The following MIPOL1 variants were observed in gnomAD, a reference collection of about 807,000 sequenced individuals.
The protein encoded by MIPOL1 is mirror-image polydactyly 1.
A neutral mutation model predicts 60.9 loss-of-function variants in MIPOL1; 57 were observed. That is an observed-to-expected ratio of 0.94 (90% CI 0.76 to 1.17). The LOEUF is 1.17. Ranked by LOEUF, MIPOL1 falls within the 50% of genes most tolerant of loss-of-function variation. The probability of loss-of-function intolerance (pLI) is 0.00; values close to 1 mark genes in which losing one functional copy is unlikely to be tolerated. For missense variants in MIPOL1, 551 were observed against 511.6 expected (o/e 1.08, Z -0.74); for synonymous variants, 179 against 168.8 (o/e 1.06, Z -0.47).
rs1452700099 is a variant in MIPOL1 at position 37,308,539 on chromosome 14, TAA to T, written c.828+23_828+24del. 2.0e-6 allele frequency: 3 copies of T among 1,502,074 alleles called. No individual in the cohort carries two copies. Among genetic ancestry groups the T allele is most frequent in the Middle Eastern group, 1.8e-4 (1 of 5,522 alleles). 93.0% of individuals were successfully genotyped at this position (1,502,074 alleles called of 1,614,324 possible). On this transcript the variant is annotated intron_variant, in intron 9 of 12. Transcript: ENST00000684589. ...TCTAAGGTAACTCTGCATATATCTG[TAA>T]AAGCATATACTTACCATTTTCCTCT... is the stretch of plus-strand genomic sequence containing the variant.
chr14:37,376,937 C>G (rs2153505084), intron 10 of MIPOL1, among the ~76,000 whole-genome samples: 1 of 152,216 alleles, frequency 6.6e-6, no homozygotes, highest in South Asian at 2.1e-4. Context: ...ATATTCTCAC[C>G]AGCAGTTGAT....
At chr14:37,514,513 T>C (rs1335075918) in intron 12 of MIPOL1, among the ~76,000 whole-genome samples, 1 of 152,208 alleles carries the variant, frequency 6.6e-6, no homozygotes, top group African/African-American at 2.4e-5. Context: ...AACATATCGT[T>C]TAACTTGATA....
rs2095551599 is a variant in MIPOL1, at chr14:37,547,644, T to C, written c.*673T>C. Reference sequence around the variant, plus strand: ...ACTGTTTTCAATAAAAAGAGGAGACTGTTAATGTGTACTTATAAATTCACA... The same window carrying C: ...ACTGTTTTCAATAAAAAGAGGAGACCGTTAATGTGTACTTATAAATTCACA... On this transcript the variant is annotated 3_prime_UTR_variant, in exon 13 of 13. Coordinates refer to ENST00000684589, the MANE Select transcript of MIPOL1 (RefSeq NM_001388067.1). 1 of 152,608 alleles carries C rather than the reference T, an allele frequency of 6.6e-6. No homozygotes were observed. The highest frequency in any genetic ancestry group is 2.4e-5 in the African/African-American group (1 of 41,450). The allele number at this position is 152,608 out of a possible 1,614,324, so 9.5% of individuals were successfully genotyped here.
chr14:37,543,624 T>C (rs2095537819), intron 12 of MIPOL1, among the ~76,000 whole-genome samples: 1 of 152,212 alleles, frequency 6.6e-6, no homozygotes, highest in Non-Finnish European at 1.5e-5. Context: ...AAATTTATCA[T>C]CTTAACCATT....
At chr14:37,326,416 T>G (rs1416918446) in intron 9 of MIPOL1, among the ~76,000 whole-genome samples, 2 of 152,206 alleles carry the variant, frequency 1.3e-5, no homozygotes, top group Non-Finnish European at 2.9e-5. Flanking sequence ...CAGACAGTTT[T>G]TTTTTGGCAG....
At chr14:37,203,984 A>G (rs1965693638) in intron 1 of MIPOL1, among the ~76,000 whole-genome samples, 1 of 151,992 alleles carries the variant, frequency 6.6e-6, no homozygotes, top group Admixed American at 6.6e-5. Context: ...GGGTTTCACC[A>G]CGTTAGCCAG....
chr14:37,456,843 A>C lies in MIPOL1; in HGVS notation c.1031+33894A>C, dbSNP rs3936833. On this transcript the variant is annotated intron_variant, in intron 11 of 12. Coordinates refer to ENST00000684589, the MANE Select transcript of MIPOL1 (RefSeq NM_001388067.1). ...CTCATTGTAATTTTATTTTCTTATA[A>C]AAATATAGAATCTTTTGGAATAAAG... Among the ~76,000 whole-genome samples, 37 of 152,236 alleles carry C rather than the reference A, an allele frequency of 2.4e-4. 1 individual carries two copies. The highest frequency in any genetic ancestry group is 6.8e-3 in the Middle Eastern group (2 of 294).
chr14:37,530,642 C>G (rs1471021266), intron 12 of MIPOL1, among the ~76,000 whole-genome samples: 3 of 152,120 alleles, frequency 2.0e-5, no homozygotes, highest in Non-Finnish European at 4.4e-5. Flanking sequence ...GGCCAGATGT[C>G]AAGGCTGCAG....
intron 9 of MIPOL1, among the ~76,000 whole-genome samples, chr14:37,335,517 C>G (rs896602625): frequency 6.6e-6 from 1 of 152,018 alleles, no homozygotes; most frequent in Non-Finnish European, 1.5e-5. Flanking sequence ...AGTGTTTGTC[C>G]TTTTGTGACT....
intron 1 of MIPOL1, among the ~76,000 whole-genome samples, chr14:37,205,491 A>T (rs1183436806): frequency 6.6e-6 from 1 of 151,756 alleles, no homozygotes; most frequent in African/African-American, 2.4e-5. Flanking sequence ...TTAATACCTT[A>T]AGTTCTAGGG....
intron 10 of MIPOL1, among the ~76,000 whole-genome samples, chr14:37,391,429 C>G (rs2093235955): frequency 6.7e-6 from 1 of 149,550 alleles, no homozygotes; most frequent in African/African-American, 2.5e-5. Flanking sequence ...TAGAGTCTCA[C>G]TCTGTCACCA....
chr14:37,337,214 C>T (rs2090193080), intron 9 of MIPOL1, among the ~76,000 whole-genome samples: 1 of 150,048 alleles, frequency 6.7e-6, no homozygotes, highest in Admixed American at 6.7e-5. Flanking sequence ...CTTGGAGCTT[C>T]TTTGTCAGCT....
At chr14:37,379,202 C>A (rs1274231265) in intron 10 of MIPOL1, among the ~76,000 whole-genome samples, 1 of 151,940 alleles carries the variant, frequency 6.6e-6, no homozygotes, top group Non-Finnish European at 1.5e-5. Flanking sequence ...CAAAACAATT[C>A]AATGGGGATA....
At chr14:37,539,489 C>T (rs2095521158) in intron 12 of MIPOL1, among the ~76,000 whole-genome samples, 1 of 150,056 alleles carries the variant, frequency 6.7e-6, no homozygotes, top group African/African-American at 2.5e-5. Flanking sequence ...ATATAAGTTC[C>T]ATTTCCCTTT....
chr14:37,455,679 T>G (rs1432019177), intron 11 of MIPOL1, among the ~76,000 whole-genome samples: 2 of 152,172 alleles, frequency 1.3e-5, no homozygotes, highest in Non-Finnish European at 2.9e-5. Flanking sequence ...GCTGCTTCTC[T>G]GCTCCCAAAT....
At chr14:37,311,569 A>G (rs1052859004) in intron 9 of MIPOL1, among the ~76,000 whole-genome samples, 1 of 152,272 alleles carries the variant, frequency 6.6e-6, no homozygotes, top group East Asian at 1.9e-4. Context: ...TATGTTAGTC[A>G]TTGTATACTT....
intron 3 of MIPOL1, among the ~76,000 whole-genome samples, chr14:37,264,681 A>T (rs1489627348): frequency 6.6e-6 from 1 of 152,212 alleles, no homozygotes; most frequent in East Asian, 1.9e-4. Flanking sequence ...AGCAAGCATG[A>T]TAAAATGTTA....
At chr14:37,308,831 C>G (rs1339239456) in intron 9 of MIPOL1, among the ~76,000 whole-genome samples, 1 of 152,044 alleles carries the variant, frequency 6.6e-6, no homozygotes, top group Non-Finnish European at 1.5e-5. Context: ...TATGGGACTT[C>G]TTACTTAAAT....
chr14:37,447,470 A>T (rs572862520), intron 11 of MIPOL1, among the ~76,000 whole-genome samples: 1 of 152,288 alleles, frequency 6.6e-6, no homozygotes, highest in Non-Finnish European at 1.5e-5. Context: ...CTTCAAAAAG[A>T]TAGAACCAAA....
Sources: gnomAD v4.1 joint callset for allele counts (sites outside exome capture counted in the v4.1 genomes callset) on GRCh38, gnomAD v4.1.1 for gene constraint, MANE v1.5 for transcripts, NCBI Gene and HGNC (gene_info 2026-07-23, HGNC 2026-07-21) for gene names.